Variants in LAMA5 observed in about 807,000 individuals in gnomAD.
The protein encoded by LAMA5 is laminin subunit alpha 5.
A neutral mutation model predicts 433.4 loss-of-function variants in LAMA5; 260 were observed. That is an observed-to-expected ratio of 0.60 (90% confidence interval 0.54 to 0.66). LAMA5 has a LOEUF of 0.66. Among genes scored for constraint, LAMA5 ranks in the 30% least tolerant of loss-of-function variants. The pLI, the probability that LAMA5 is intolerant of heterozygous loss-of-function variation, is 0.00. For synonymous variants in LAMA5, 2,620 were observed against 2,226.6 expected (o/e 1.18, Z -4.97); for missense variants, 5,378 against 5,258.5 (o/e 1.02, Z -0.70).
In LAMA5 at chr20:62,322,639, G is replaced by C; in HGVS notation, c.6165+19C>G. 1 of 1,326,116 alleles carries C rather than the reference G, an allele frequency of 7.5e-7. No individual in the cohort carries two copies. The highest frequency in any genetic ancestry group is 1.0e-6 in the Non-Finnish European group (1 of 957,142). 82.1% of individuals were successfully genotyped at this position (1,326,116 alleles called of 1,614,324 possible). ...CCCTAGGCCCCACCCACCCAGCCCT[G>C]CTTACCCCACAGCCCTACCTGGCAG... is the stretch of plus-strand genomic sequence containing the variant. On this transcript the variant is annotated intron_variant, in intron 46 of 79. Coordinates refer to ENST00000252999, the MANE Select transcript of LAMA5 (RefSeq NM_005560.6).
In LAMA5 at chr20:62,366,971, C is replaced by T. The variant is rs1400388609; in HGVS notation, c.275G>A (p.Gly92Asp). 44 of 1,275,392 alleles carry T rather than the reference C, an allele frequency of 3.4e-5. No homozygotes were observed. The highest frequency in any genetic ancestry group is 4.2e-5 in the Non-Finnish European group (43 of 1,011,996). The allele number at this position is 1,275,392 out of a possible 1,614,324, so 79.0% of individuals were successfully genotyped here. ...CACCCGGATGGTCTGGTTGGGGTCG[C>T]CGCCGGCCACGGGGCCCCCTACCAG... ...CKLVGGPVAG[G>D]DPNQTIRGQY... The change falls in exon 1 of 80, where the codon GGC (glycine) becomes GAC (aspartate). Residue 92 changes from glycine (G) to aspartate (D), a missense_variant. Gly to Asp is a moderately conservative substitution (Grantham distance 94). Transcript: ENST00000252999.
Position 62,311,316 on chromosome 20 carries a change from GTGGA to G in LAMA5, c.9943-13_9943-10del. On this transcript the variant is annotated splice_polypyrimidine_tract_variant and intron_variant, in intron 72 of 79. Transcript: ENST00000252999. ...CGGCTGCGGCGGGAGGCCTGGGGGC[GTGGA>G]TGGTGAATGCAGGGGCCGCCCACAC... is the stretch of plus-strand genomic sequence containing the variant. 6.4e-7 allele frequency: 1 copy of G among 1,556,402 alleles called. No homozygotes were observed. The highest frequency in any genetic ancestry group is 8.7e-7 in the Non-Finnish European group (1 of 1,154,364).
chr20:62,309,493 A>G lies in LAMA5; in HGVS notation c.10949-18T>C, dbSNP rs2146020216. ...CATGGGCTCTGGGGGCACAGGGAAG[A>G]TGGAAGAAGGCTGGTTGGTGGGCAG... On this transcript the variant is annotated intron_variant, in intron 79 of 79. Transcript: ENST00000252999. 1 of 1,562,564 alleles carries G rather than the reference A, an allele frequency of 6.4e-7. No individual in the cohort carries two copies. Among genetic ancestry groups the G allele is most frequent in the East Asian group, 2.3e-5 (1 of 43,812 alleles).
At chr20:62,342,505 C>T (rs1208042057) in intron 11 of LAMA5, among the ~76,000 whole-genome samples, 1 of 151,832 alleles carries the variant, frequency 6.6e-6, no homozygotes, top group Non-Finnish European at 1.5e-5. Flanking sequence ...GGTGAAACCC[C>T]ATCTCTACTA....
chr20:62,320,299 CAA>C (rs1987537920), intron 50 of LAMA5, among the ~76,000 whole-genome samples: 1 of 45,696 alleles, frequency 2.2e-5, no homozygotes, highest in East Asian at 7.8e-4. Context: ...GCCTGGGCAA[CAA>C]GAGCAAAACT....
Position 62,327,237 on chromosome 20 carries a change from TC to T in LAMA5, c.5107del (p.Asp1703ThrfsTer40). The T allele has an allele frequency of 6.6e-7, 1 of 1,506,354 alleles. No individual in the cohort carries two copies. The highest frequency in any genetic ancestry group is 8.8e-7 in the Non-Finnish European group (1 of 1,131,286). 93.3% of individuals were successfully genotyped at this position (1,506,354 alleles called of 1,614,324 possible). On this transcript the variant is annotated frameshift_variant, in exon 38 of 80. Coordinates refer to ENST00000252999, the MANE Select transcript of LAMA5 (RefSeq NM_005560.6). LOFTEE classifies it high-confidence loss of function. ...CAGACCTGATGCCCTGCTTACCCGGTCCCCCAGGTAGGAGGGTGGGGCCTGC... is the reference window on the plus strand; with the variant it reads ...CAGACCTGATGCCCTGCTTACCCGGTCCCCAGGTAGGAGGGTGGGGCCTGC... ...YWQAPPSYLG[D>X]RVSSYGGTLR...
Position 62,320,610 on chromosome 20 carries a change from C to T in LAMA5, c.6708G>A (p.Leu2236=), listed in dbSNP as rs1249499592. 4 of 1,608,174 alleles carry T rather than the reference C, an allele frequency of 2.5e-6. No individual in the cohort carries two copies. In the African/African-American group the frequency reaches 5.3e-5, roughly 21 times the overall value. Residue 2236 remains leucine (L), a synonymous_variant, in exon 50 of 80, where the codon CTG becomes CTA. Transcript: ENST00000252999. ...GCCCGAGGCTTGTGCTCTGCTGCTCCAGCACCTCCAGCTGCTGTGCCGTCT... is the reference window on the plus strand; with the variant it reads ...GCCCGAGGCTTGTGCTCTGCTGCTCTAGCACCTCCAGCTGCTGTGCCGTCT... ...RHETAQQLEV[L]EQQSTSLGQD... is the part of the protein sequence containing the mutation.
At position 62,312,261 on chromosome 20, in the gene LAMA5, T is replaced by G. The variant is rs1026803374; in HGVS notation, c.9416A>C (p.Asn3139Thr). 6 of 1,611,122 alleles carry G rather than the reference T, an allele frequency of 3.7e-6. No homozygotes were observed. The highest frequency in any genetic ancestry group is 5.1e-6 in the Non-Finnish European group (6 of 1,179,466). Residue 3139 changes from asparagine (N) to threonine (T), a missense_variant, in exon 69 of 80, where the codon AAC becomes ACC. Physicochemically the swap from Asn to Thr is moderately conservative, Grantham distance 65. Coordinates refer to ENST00000252999, the MANE Select transcript of LAMA5 (RefSeq NM_005560.6). ...GACGTTGCCAGTGAGCGGTGCCACGTTCGAGAGCGCCAGGCGAAGGAAGCC... is the reference window on the plus strand; with the variant it reads ...GACGTTGCCAGTGAGCGGTGCCACGGTCGAGAGCGCCAGGCGAAGGAAGCC... ...GHGFLRLALS[N>T]VAPLTGNVYS...
At position 62,351,776 on chromosome 20, in the gene LAMA5, C is replaced by G. The variant is rs151084334; in HGVS notation, c.884G>C (p.Ser295Thr). 6.2e-6 allele frequency: 10 copies of G among 1,610,292 alleles called. No homozygotes were observed. Among genetic ancestry groups the G allele is most frequent in the Non-Finnish European group, 8.5e-6 (10 of 1,179,376 alleles). ...RRYYYSIKDI[S>T]IGGRCVCHGH... ...GTGGCAGACACAGCGGCCTCCGATG[C>G]TGATATCCTTGATGCTGTAATAATA... is the stretch of plus-strand genomic sequence containing the variant. Residue 295 changes from serine to threonine, a missense_variant, in exon 6 of 80, where the codon AGC becomes ACC. Coordinates refer to ENST00000252999, the MANE Select transcript of LAMA5 (RefSeq NM_005560.6).
At position 62,353,501 on chromosome 20, in the gene LAMA5, G is replaced by A. The variant is rs562589534; in HGVS notation, c.451-250C>T. The stretch of plus-strand genomic sequence containing the variant: ...CTCCCCGCCTGGGCTCGGGACCAAC[G>A]CGCTGCCTCCTCCCCTTCCCTGCCG... On this transcript the variant is annotated intron_variant, in intron 2 of 79. Coordinates refer to ENST00000252999, the MANE Select transcript of LAMA5 (RefSeq NM_005560.6). 1.1e-4 allele frequency among the ~76,000 whole-genome samples: 16 copies of A among 152,282 alleles called. No homozygotes were observed. The South Asian group carries it at 2.7e-3, about 26-fold the overall frequency.
intron 79 of LAMA5, 27 bp downstream of exon 79, chr20:62,309,689 C>T (rs776507262): frequency 1.3e-6 from 2 of 1,489,878 alleles, no homozygotes. Flanking sequence ...GGGCAGCTCC[C>T]CCACCCTTGA....
intron 6 of LAMA5, among the ~76,000 whole-genome samples, 174 bp from the exon 7 acceptor site, chr20:62,347,202 C>A (rs925546434): frequency 1.3e-5 from 2 of 152,174 alleles, no homozygotes; most frequent in Non-Finnish European, 2.9e-5. Flanking sequence ...CCAGACTCAG[C>A]GTCCCCGAGC....
Position 62,313,724 on chromosome 20 carries a change from A to T in LAMA5, c.8583T>A (p.Pro2861=). The T allele has an allele frequency of 1.2e-6, 2 of 1,612,886 alleles. No individual in the cohort carries two copies. Among genetic ancestry groups the T allele is most frequent in the Non-Finnish European group, 1.7e-6 (2 of 1,179,972 alleles). Residue 2861 remains proline (P), a synonymous_variant, in exon 63 of 80, where the codon CCT becomes CCA. Transcript: ENST00000252999. ...GCAGGTTGAGCAGCCCCTCTGCCCCAGGGGCCACCGTGTCACCCTTGGTTT... is the reference window on the plus strand; with the variant it reads ...GCAGGTTGAGCAGCCCCTCTGCCCCTGGGGCCACCGTGTCACCCTTGGTTT... ...IQETKGDTVA[P]GAEGLLNLRP...
At chr20:62,338,781 G>A (rs1982124916) in intron 11 of LAMA5, among the ~76,000 whole-genome samples, 173 bp from the exon 12 acceptor site, 1 of 152,226 alleles carries the variant, frequency 6.6e-6, no homozygotes, top group Non-Finnish European at 1.5e-5. Context: ...GCTCACGCCT[G>A]TAATCCCAGC....
At chr20:62,313,053 A>G (rs956739705) in intron 65 of LAMA5, 35 bp downstream of exon 65, 1 of 1,603,692 alleles carries the variant, frequency 6.2e-7, no homozygotes, top group Non-Finnish European at 8.5e-7. Context: ...GGGTCAGTGC[A>G]AGTGGGGATG....
At position 62,310,286 on chromosome 20, in the gene LAMA5, A is replaced by G; in HGVS notation, c.10626T>C (p.Asp3542=). 6.2e-7 allele frequency: 1 copy of G among 1,610,320 alleles called. No homozygotes were observed. Among genetic ancestry groups the G allele is most frequent in the Middle Eastern group, 1.7e-4 (1 of 6,052 alleles). The change falls in exon 77 of 80, where the codon GAT becomes GAC. Residue 3542 remains aspartate, a synonymous_variant. Coordinates refer to ENST00000252999, the MANE Select transcript of LAMA5 (RefSeq NM_005560.6). ...GCCGCACCTCCAGTTCCAGGCCCAC[A>G]TCAGGCAGTGTAGCTCCTGGGAGGT... ...TLDLPGATLP[D]VGLELEVRPL...
Position 62,325,520 on chromosome 20 carries a change from G to A in LAMA5, c.5325C>T (p.Arg1775=). ...TGAGCTCCTCGCGGGACACAGTGTT[G>A]CGCGTCTCCGTATGCCGGAAGTTCC... ...VEGNFRHTET[R]NTVSREELMM... Residue 1775 remains arginine, a synonymous_variant, in exon 41 of 80, where the codon CGC becomes CGT. Coordinates refer to ENST00000252999, the MANE Select transcript of LAMA5 (RefSeq NM_005560.6). The A allele has an allele frequency of 1.2e-6, 2 of 1,611,400 alleles. No individual in the cohort carries two copies. Among genetic ancestry groups the A allele is most frequent in the East Asian group, 2.2e-5 (1 of 44,854 alleles).
At position 62,318,531 on chromosome 20, in the gene LAMA5, A is replaced by C; in HGVS notation, c.7162T>G (p.Leu2388Val). 6.2e-7 allele frequency: 1 copy of C among 1,609,854 alleles called. No individual in the cohort carries two copies. The highest frequency in any genetic ancestry group is 8.5e-7 in the Non-Finnish European group (1 of 1,179,050). The change falls in exon 53 of 80, where the codon TTG becomes GTG. Residue 2388 changes from leucine to valine, a missense_variant. By Grantham distance (32) the Leu-to-Val change is conservative. Transcript: ENST00000252999. ...CGTGTGGCGTCCACTGCCCGGTTCA[A>C]AGCCTCTCGCAGGTCCATGAGGCCG... ...EAGLMDLREA[L>V]NRAVDATREA...
intron 6 of LAMA5, 70 bp downstream of exon 6, chr20:62,351,634 G>T: frequency 1.4e-6 from 2 of 1,477,320 alleles, no homozygotes; most frequent in Non-Finnish European, 9.3e-7. Context: ...GTTAGGCAGG[G>T]GTGACAAGGA....
Sources: allele counts gnomAD v4.1 joint callset (sites outside exome capture counted in the v4.1 genomes callset), GRCh38; gene constraint gnomAD v4.1.1; transcripts MANE v1.5; gene names NCBI Gene and HGNC (gene_info 2026-07-23, HGNC 2026-07-21).